The following SGMS1 variants were observed in gnomAD, a reference collection of about 807,000 sequenced individuals.
SGMS1 encodes sphingomyelin synthase 1.
SGMS1 carries 13 observed loss-of-function variants against 46.2 expected under a neutral mutation model. The observed-to-expected ratio is 0.28, with a 90% CI of 0.18 to 0.45. The LOEUF (loss-of-function observed/expected upper bound fraction) is 0.45. Among genes scored for constraint, SGMS1 ranks in the 20% least tolerant of loss-of-function variants. SGMS1 has a pLI of 1.00. For synonymous variants in SGMS1, 203 were observed against 187.8 expected (o/e 1.08, Z -0.66); for missense variants, 324 against 519.9 (o/e 0.62, Z 3.66).
intron 5 of SGMS1, among the ~76,000 whole-genome samples, chr10:50,448,311 A>T (rs1458295543): frequency 6.6e-6 from 1 of 152,202 alleles, no homozygotes; most frequent in East Asian, 1.9e-4. Flanking sequence ...ATATTTTTTA[A>T]CATTTTTCTT....
chr10:50,600,689 A>G (rs1437773327), intron 1 of SGMS1, among the ~76,000 whole-genome samples: 1 of 152,232 alleles, frequency 6.6e-6, no homozygotes, highest in African/African-American at 2.4e-5. Flanking sequence ...GGGTGAAGAT[A>G]GAAAAGCCAT....
At chr10:50,379,980 A>G (rs1046507158) in intron 6 of SGMS1, among the ~76,000 whole-genome samples, 2 of 152,188 alleles carry the variant, frequency 1.3e-5, no homozygotes, top group African/African-American at 4.8e-5. Flanking sequence ...ATTATTCAGA[A>G]AGACTCACCC....
chr10:50,379,191 A>G (rs1185240334), intron 6 of SGMS1, among the ~76,000 whole-genome samples: 1 of 152,210 alleles, frequency 6.6e-6, no homozygotes, highest in East Asian at 1.9e-4. Context: ...ACTTACAGAT[A>G]TATTAAAAAT....
intron 6 of SGMS1, among the ~76,000 whole-genome samples, chr10:50,349,289 C>CT (rs1355850814): frequency 2.6e-5 from 4 of 152,222 alleles, no homozygotes; most frequent in African/African-American, 9.7e-5. Context: ...TCTGCAAAGC[C>CT]TTAGCTGTCT....
intron 2 of SGMS1, among the ~76,000 whole-genome samples, chr10:50,544,145 C>A (rs1838079633): frequency 6.6e-6 from 1 of 152,188 alleles, no homozygotes; most frequent in South Asian, 2.1e-4. Flanking sequence ...ACAATAAAAA[C>A]CATATCAGGT....
intron 3 of SGMS1, among the ~76,000 whole-genome samples, chr10:50,518,557 G>A (rs1564422721): frequency 1.3e-5 from 2 of 152,052 alleles, no homozygotes; most frequent in South Asian, 4.1e-4. Flanking sequence ...CTCCCTAGTA[G>A]CTGAGATTAC....
At chr10:50,471,790 C>T (rs1268739250) in intron 3 of SGMS1, among the ~76,000 whole-genome samples, 2 of 152,164 alleles carry the variant, frequency 1.3e-5, no homozygotes, top group East Asian at 3.8e-4. Flanking sequence ...AATGCCCTGC[C>T]TCCAGTAGAG....
intron 1 of SGMS1, chr10:50,623,472 T>A: frequency 7.6e-6 from 5 of 655,940 alleles, no homozygotes; most frequent in Non-Finnish European, 9.4e-6. Flanking sequence ...GCCCGCCCCC[T>A]CCGAGCCCGG....
intron 6 of SGMS1, among the ~76,000 whole-genome samples, chr10:50,391,658 C>G (rs1317515539): frequency 6.6e-6 from 1 of 151,996 alleles, no homozygotes; most frequent in Non-Finnish European, 1.5e-5. Flanking sequence ...CTAGTAATCC[C>G]ATTATTGGGT....
chr10:50,508,357 C>T (rs1837725023), intron 3 of SGMS1, among the ~76,000 whole-genome samples: 1 of 152,170 alleles, frequency 6.6e-6, no homozygotes, highest in Admixed American at 6.5e-5. Flanking sequence ...AAAACCAGCA[C>T]AGTCAGACAT....
chr10:50,438,907 G>T (rs1428107592), intron 5 of SGMS1, among the ~76,000 whole-genome samples: 1 of 152,162 alleles, frequency 6.6e-6, no homozygotes, highest in East Asian at 1.9e-4. Context: ...TATAAATGGC[G>T]ATCAGGTTCC....
chr10:50,327,209 G>A lies in SGMS1; in HGVS notation c.737C>T (p.Pro246Leu), dbSNP rs753111102. The A allele has an allele frequency of 6.5e-7, 1 of 1,546,006 alleles. No homozygotes were observed. Among genetic ancestry groups the A allele is most frequent in the South Asian group, 1.2e-5 (1 of 86,572 alleles). ...TTACAGCGAGGAATAGTTTACCTTC[G>A]GAGAACAGTTGAAATGCATACCAGG... ...PVPGMHFNCS[P>L]KLFGDWEAQL... The change falls in exon 8 of 11, where the codon CCG (proline) becomes CTG (leucine). Residue 246 changes from proline to leucine, a missense_variant. Coordinates refer to ENST00000361781, the MANE Select transcript of SGMS1 (RefSeq NM_147156.4).
At chr10:50,437,993 G>A (rs1280705095) in intron 5 of SGMS1, among the ~76,000 whole-genome samples, 2 of 152,198 alleles carry the variant, frequency 1.3e-5, no homozygotes, top group Non-Finnish European at 2.9e-5. Flanking sequence ...GTAGAGAAGA[G>A]GAGGAAAAGC....
At chr10:50,379,626 G>C (rs780456291) in intron 6 of SGMS1, among the ~76,000 whole-genome samples, 5 of 152,092 alleles carry the variant, frequency 3.3e-5, no homozygotes, top group Non-Finnish European at 7.4e-5. Flanking sequence ...AGATTACAGA[G>C]AGAGTAGGAG....
intron 2 of SGMS1, among the ~76,000 whole-genome samples, chr10:50,542,647 G>GAA (rs1838064272): frequency 6.7e-6 from 1 of 148,596 alleles, no homozygotes; most frequent in African/African-American, 2.5e-5. Flanking sequence ...ACACACACAT[G>GAA]CACACACACA....
At chr10:50,573,740 A>T (rs1838355796) in intron 2 of SGMS1, among the ~76,000 whole-genome samples, 1 of 152,194 alleles carries the variant, frequency 6.6e-6, no homozygotes, top group Non-Finnish European at 1.5e-5. Context: ...CAAAGAACAA[A>T]GCTGGAAATA....
intron 9 of SGMS1, among the ~76,000 whole-genome samples, chr10:50,309,222 T>C (rs1041008713): frequency 6.6e-6 from 1 of 152,130 alleles, no homozygotes; most frequent in Non-Finnish European, 1.5e-5. Flanking sequence ...AGGAATATTC[T>C]AGTAATATTT....
intron 7 of SGMS1, among the ~76,000 whole-genome samples, chr10:50,331,208 G>T (rs1168113965): frequency 6.6e-6 from 1 of 152,162 alleles, no homozygotes; most frequent in Admixed American, 6.5e-5. Context: ...CAATTGTTTT[G>T]CCAAAGTTCT....
intron 3 of SGMS1, among the ~76,000 whole-genome samples, chr10:50,495,083 A>C: frequency 6.8e-6 from 1 of 148,030 alleles, no homozygotes; most frequent in African/African-American, 2.5e-5. Flanking sequence ...CAAAAAAAAA[A>C]AAAAATTAGC....
Sources: allele counts gnomAD v4.1 joint callset (sites outside exome capture counted in the v4.1 genomes callset), GRCh38; gene constraint gnomAD v4.1.1; transcripts MANE v1.5; gene names NCBI Gene and HGNC (gene_info 2026-07-23, HGNC 2026-07-21).